Variants in HACL1 observed in about 807,000 individuals in gnomAD.
The protein encoded by HACL1 is 2-hydroxyacyl-CoA lyase 1, also known as 1600020H07Rik.
In HACL1, 64 loss-of-function variants were observed where a neutral mutation model predicts 74.2. The observed-to-expected ratio is 0.86, with a 90% CI of 0.70 to 1.06. The LOEUF is 1.06. Ranked by LOEUF, HACL1 falls within the 50% of genes least tolerant of loss-of-function variation. The pLI is 0.00. For missense variants in HACL1, 728 were observed against 719.7 expected (o/e 1.01, Z -0.13); for synonymous variants, 230 against 238.8 (o/e 0.96, Z 0.34).
intron 3 of HACL1, among the ~76,000 whole-genome samples, chr3:15,592,379 C>T (rs1416220467): frequency 2.0e-5 from 3 of 150,258 alleles, no homozygotes; most frequent in East Asian, 2.0e-4. Context: ...TACAGACACA[C>T]GTATACACAC....
chr3:15,589,469 C>A, intron 5 of HACL1, 71 bp downstream of exon 5: 1 of 947,500 alleles, frequency 1.1e-6, no homozygotes, highest in South Asian at 1.4e-5. Context: ...TGCACTGCAG[C>A]CTCAACAACA....
Position 15,589,583 on chromosome 3 carries a change from T to G in HACL1, c.338A>C (p.Glu113Ala). 2 of 1,610,836 alleles carry G rather than the reference T, an allele frequency of 1.2e-6. No homozygotes were observed. The highest frequency in any genetic ancestry group is 1.7e-6 in the Non-Finnish European group (2 of 1,177,102). ...AGCTCCCATTGTTTCTTGGTTTCTT[T>G]CAGAGGAACCACCAATCACAAGCAA... ...WPLLVIGGSS[E>A]RNQETMGAFQ... Residue 113 changes from glutamate (E) to alanine (A), a missense_variant, in exon 5 of 17, where the codon GAA becomes GCA. By Grantham distance (107) the Glu-to-Ala change is moderately radical (BLOSUM62 -1). Coordinates refer to ENST00000321169, the MANE Select transcript of HACL1 (RefSeq NM_012260.4).
intron 10 of HACL1, among the ~76,000 whole-genome samples, 183 bp from the exon 11 acceptor site, chr3:15,573,425 T>C (rs1574917108): frequency 6.6e-6 from 1 of 152,254 alleles, no homozygotes. Flanking sequence ...ATAGCTAGTA[T>C]AGAGAGCCTC....
In HACL1 at chr3:15,601,191, C is replaced by T. The variant is rs150277384; in HGVS notation, c.85G>A (p.Val29Met). Reference protein sequence around the residue: ...VIAQALKTQDVEYIFGIVGIP... With the variant: ...VIAQALKTQDMEYIFGIVGIP... ...CCTACGATGCCAAATATGTACTCCA[C>T]ATCCTGAGGAACGAAGAACAGGGGA... The change falls in exon 2 of 17, where the codon GTG becomes ATG. Residue 29 changes from valine to methionine, a missense_variant. Transcript: ENST00000321169. 9.3e-6 allele frequency: 15 copies of T among 1,609,950 alleles called. 1 individual carries two copies. In the African/African-American group the frequency reaches 1.3e-4, roughly 14 times the overall value.
rs201208502 is a variant in HACL1, at chr3:15,584,688, C to T, written c.554+560G>A. 3.3e-5 allele frequency among the ~76,000 whole-genome samples: 5 copies of T among 152,306 alleles called. No homozygotes were observed. The East Asian group carries it at 5.8e-4, about 18-fold the overall frequency. On this transcript the variant is annotated intron_variant, in intron 7 of 16. Transcript: ENST00000321169. ...ACCATTTGGTCCACAACAGCAGAAA[C>T]GCACTAAACAGTACCCATGATGCTT...
intron 10 of HACL1, among the ~76,000 whole-genome samples, chr3:15,573,710 T>C (rs1219603662): frequency 6.6e-6 from 1 of 152,234 alleles, no homozygotes; most frequent in Non-Finnish European, 1.5e-5. Context: ...TCCAGAAATG[T>C]GCATTTCTAA....
At chr3:15,577,944 A>C (rs1014807046) in intron 9 of HACL1, among the ~76,000 whole-genome samples, 2 of 151,846 alleles carry the variant, frequency 1.3e-5, no homozygotes, top group African/African-American at 4.8e-5. Flanking sequence ...TAAAAATACA[A>C]AAAATTAGCC....
chr3:15,588,815 CTT>C (rs1250206456), intron 5 of HACL1, among the ~76,000 whole-genome samples: 1 of 148,406 alleles, frequency 6.7e-6, no homozygotes, highest in Non-Finnish European at 1.5e-5. Context: ...TTTTGACATG[CTT>C]TCTTTCCTCC....
chr3:15,601,533 G>T lies in HACL1; in HGVS notation c.-70C>A. On this transcript the variant is annotated 5_prime_UTR_variant, in exon 1 of 17. Transcript: ENST00000321169. ...CGGAATCATCCAGCAAGGCAAACGCGAAATCGGCAGCACGCCACCTCTGGT... is the reference window on the plus strand; with the variant it reads ...CGGAATCATCCAGCAAGGCAAACGCTAAATCGGCAGCACGCCACCTCTGGT... The T allele has an allele frequency of 1.2e-6, 2 of 1,607,764 alleles. No individual in the cohort carries two copies. The highest frequency in any genetic ancestry group is 1.3e-5 in the African/African-American group (1 of 75,050).
At chr3:15,561,708 A>G (rs910632703) in intron 16 of HACL1, among the ~76,000 whole-genome samples, 4 of 152,288 alleles carry the variant, frequency 2.6e-5, no homozygotes, top group African/African-American at 7.2e-5. Context: ...TTTGAGAGAC[A>G]GTCTCACTGT....
intron 12 of HACL1, among the ~76,000 whole-genome samples, chr3:15,569,619 C>G (rs561951020): frequency 4.0e-5 from 6 of 151,888 alleles, no homozygotes; most frequent in African/African-American, 1.5e-4. Context: ...GTCGGGAGTT[C>G]GAGACCAGCC....
intron 2 of HACL1, among the ~76,000 whole-genome samples, chr3:15,598,908 T>C (rs1574952331): frequency 6.6e-6 from 1 of 152,190 alleles, no homozygotes; most frequent in African/African-American, 2.4e-5. Flanking sequence ...GAACATCACC[T>C]TTCTCCTCCA....
intron 16 of HACL1, among the ~76,000 whole-genome samples, chr3:15,562,948 C>T (rs544604218): frequency 5.4e-5 from 8 of 148,548 alleles, no homozygotes; most frequent in Admixed American, 1.3e-4. Flanking sequence ...TCCTTCTGAT[C>T]TCCGTTTAAG....
At chr3:15,568,715 A>G in intron 12 of HACL1, 129 bp from the exon 13 acceptor site, 1 of 619,934 alleles carries the variant, frequency 1.6e-6, no homozygotes, top group South Asian at 2.0e-5. Context: ...CCAAATGGCT[A>G]TAAAATGGCC....
At position 15,586,706 on chromosome 3, in the gene HACL1, A is replaced by G; in HGVS notation, c.382-104T>C. ...ATTAATTTCTTTTATGTTTAGAGGC[A>G]AGATGGAGAAAATATATTGCCTAGA... On this transcript the variant is annotated intron_variant, in intron 5 of 16. Coordinates refer to ENST00000321169, the MANE Select transcript of HACL1 (RefSeq NM_012260.4). The G allele has an allele frequency of 4.4e-6, 3 of 688,974 alleles. No individual in the cohort carries two copies. The South Asian group carries it at 5.2e-5, about 12-fold the overall frequency. 42.7% of individuals were successfully genotyped at this position (688,974 alleles called of 1,614,324 possible). A position where few individuals can be genotyped will look rare whatever the true frequency, so the allele number is the denominator to read the frequency against.
intron 16 of HACL1, among the ~76,000 whole-genome samples, 164 bp downstream of exon 16, chr3:15,563,194 A>G (rs564540825): frequency 2.0e-5 from 3 of 152,350 alleles, no homozygotes; most frequent in African/African-American, 7.2e-5. Flanking sequence ...CACCTAACAC[A>G]TATCTCAATA....
chr3:15,575,289 A>T (rs1235707418), intron 9 of HACL1, among the ~76,000 whole-genome samples: 3 of 151,906 alleles, frequency 2.0e-5, no homozygotes, highest in African/African-American at 7.3e-5. Context: ...AAATTAAGTT[A>T]AAAAACATTA....
chr3:15,576,430 A>C, intron 9 of HACL1, among the ~76,000 whole-genome samples: 1 of 152,054 alleles, frequency 6.6e-6, no homozygotes, highest in Non-Finnish European at 1.5e-5. Flanking sequence ...TAGATTTCTA[A>C]GTTTTATTTT....
At chr3:15,563,285 T>G (rs2063375967) in intron 16 of HACL1, 73 bp downstream of exon 16, 1 of 983,194 alleles carries the variant, frequency 1.0e-6, no homozygotes, top group South Asian at 1.4e-5. Context: ...GTGTTCTGTT[T>G]GGTAGATACT....
Sources: allele counts gnomAD v4.1 joint callset (sites outside exome capture counted in the v4.1 genomes callset), GRCh38; gene constraint gnomAD v4.1.1; transcripts MANE v1.5; gene names NCBI Gene and HGNC (gene_info 2026-07-23, HGNC 2026-07-21).